The following PNKD variants were observed in gnomAD, a reference collection of about 807,000 sequenced individuals.
PNKD encodes the protein PNKD metallo-beta-lactamase domain containing.
Under a neutral mutation model 45.3 loss-of-function variants are expected in PNKD, and 36 were observed. That is an observed-to-expected ratio of 0.80 (90% CI 0.61 to 1.05). PNKD has a LOEUF of 1.05. PNKD is among the 50% of genes least tolerant of loss of function. PNKD has a pLI of 0.00. For missense variants in PNKD, 511 were observed against 506.6 expected (o/e 1.01, Z -0.08); for synonymous variants, 197 against 210.1 (o/e 0.94, Z 0.54).
intron 2 of PNKD, chr2:218,277,722 G>C: frequency 1.2e-6 from 2 of 1,610,992 alleles, no homozygotes; most frequent in Non-Finnish European, 1.7e-6. Flanking sequence ...AAGGAAGGCA[G>C]GGTGCTGGGG....
intron 2 of PNKD, among the ~76,000 whole-genome samples, chr2:218,305,714 C>T (rs57757056): frequency 2.0e-5 from 3 of 152,134 alleles, no homozygotes; most frequent in South Asian, 2.1e-4. Context: ...TGCCCCCTTC[C>T]GCCCCCACCA....
At chr2:218,282,271 C>G in intron 2 of PNKD, 1 of 746,776 alleles carries the variant, frequency 1.3e-6, no homozygotes, top group Non-Finnish European at 2.0e-6. Flanking sequence ...TCCAGGCTGC[C>G]TCCGTGGAGA....
intron 2 of PNKD, among the ~76,000 whole-genome samples, chr2:218,328,145 T>C (rs1694210546): frequency 6.6e-6 from 1 of 152,156 alleles, no homozygotes; most frequent in Non-Finnish European, 1.5e-5. Context: ...CCTGTTCCTC[T>C]GTCTCAGCCA....
intron 2 of PNKD, chr2:218,272,531 G>A: frequency 6.2e-7 from 1 of 1,609,630 alleles, no homozygotes; most frequent in Non-Finnish European, 8.5e-7. Context: ...CTCAGGCTTG[G>A]CCCCTCCCCA....
At chr2:218,296,181 G>A (rs1221688016) in intron 2 of PNKD, among the ~76,000 whole-genome samples, 2 of 152,038 alleles carry the variant, frequency 1.3e-5, no homozygotes, top group African/African-American at 4.8e-5. Flanking sequence ...ATATCCCACT[G>A]CCCCATATAA....
intron 2 of PNKD, among the ~76,000 whole-genome samples, chr2:218,338,555 C>T (rs1694568225): frequency 6.6e-6 from 1 of 151,610 alleles, no homozygotes; most frequent in Admixed American, 6.6e-5. Context: ...TTTGTTGAGC[C>T]CAGGAGTTCG....
At chr2:218,317,833 T>C (rs1027071871) in intron 2 of PNKD, 1 of 152,234 alleles carries the variant, frequency 6.6e-6, no homozygotes, top group African/African-American at 2.4e-5. Context: ...GGGGATGGAC[T>C]GGGCTAAGCA....
intron 2 of PNKD, chr2:218,277,815 G>T: frequency 6.5e-7 from 1 of 1,540,862 alleles, no homozygotes; most frequent in Non-Finnish European, 8.9e-7. Flanking sequence ...CAGAACAGGC[G>T]GCCCAGATAA....
At chr2:218,309,977 A>G (rs1405232156) in intron 2 of PNKD, among the ~76,000 whole-genome samples, 5 of 151,790 alleles carry the variant, frequency 3.3e-5, no homozygotes, top group African/African-American at 9.7e-5. Flanking sequence ...AGTGGCTTAC[A>G]TTATAAGCAA....
intron 2 of PNKD, among the ~76,000 whole-genome samples, chr2:218,315,116 C>CTTTCTTTCTTTCTTT (rs1559521433): frequency 7.7e-6 from 1 of 130,430 alleles, no homozygotes; most frequent in African/African-American, 3.0e-5. Flanking sequence ...TTCCTTCCTT[C>CTTTCTTTCTTTCTTT]CTTCCTTTCT....
intron 2 of PNKD, among the ~76,000 whole-genome samples, chr2:218,333,329 G>T (rs181590113): frequency 6.6e-6 from 1 of 152,216 alleles, no homozygotes; most frequent in East Asian, 1.9e-4. Flanking sequence ...GTCCCTGCCC[G>T]CACAGATCTG....
At chr2:218,332,918 A>C (rs1694372022) in intron 2 of PNKD, among the ~76,000 whole-genome samples, 1 of 151,594 alleles carries the variant, frequency 6.6e-6, no homozygotes, top group Non-Finnish European at 1.5e-5. Context: ...CTGCCCAAAG[A>C]CTCCGAGGCC....
chr2:218,291,170 C>T (rs1246011336), intron 2 of PNKD, among the ~76,000 whole-genome samples: 1 of 152,184 alleles, frequency 6.6e-6, no homozygotes, highest in Non-Finnish European at 1.5e-5. Flanking sequence ...GATAACCCAT[C>T]ATTACCTCTC....
chr2:218,332,408 T>C (rs992576401), intron 2 of PNKD, among the ~76,000 whole-genome samples: 1 of 152,144 alleles, frequency 6.6e-6, no homozygotes, highest in Non-Finnish European at 1.5e-5. Flanking sequence ...ATGGGGACTG[T>C]CACTCACCAA....
chr2:218,306,576 G>A (rs1441592376), intron 2 of PNKD, among the ~76,000 whole-genome samples: 1 of 152,170 alleles, frequency 6.6e-6, no homozygotes, highest in Non-Finnish European at 1.5e-5. Flanking sequence ...AATGAGGTTT[G>A]AGTAGATTAA....
chr2:218,275,730 C>A (rs1382708408), intron 2 of PNKD: 2 of 1,339,660 alleles, frequency 1.5e-6, no homozygotes, highest in Non-Finnish European at 2.0e-6. Flanking sequence ...GTGCTTAGGG[C>A]CACATTAACG....
intron 2 of PNKD, among the ~76,000 whole-genome samples, chr2:218,334,375 T>C (rs1195521970): frequency 6.6e-6 from 1 of 152,172 alleles, no homozygotes; most frequent in Non-Finnish European, 1.5e-5. Context: ...ATTTATCTCC[T>C]GGTCTCCTCC....
At chr2:218,279,360 A>G (rs1256102654) in intron 2 of PNKD, 7 of 1,562,716 alleles carry the variant, frequency 4.5e-6, no homozygotes, top group Non-Finnish European at 6.1e-6. Flanking sequence ...AAACCTGGAC[A>G]CAGACGGCCG....
Position 218,282,151 on chromosome 2 carries a change from C to T in PNKD, c.236+10602C>T, listed in dbSNP as rs113419042. Reference sequence around the variant, plus strand: ...CGCTGGGGTTGGACATGGCTGCTCACGGGCTGAGGGGGAACCCCAGCTGCT... The same window carrying T: ...CGCTGGGGTTGGACATGGCTGCTCATGGGCTGAGGGGGAACCCCAGCTGCT... On this transcript the variant is annotated intron_variant, in intron 2 of 9. Coordinates refer to ENST00000273077, the MANE Select transcript of PNKD (RefSeq NM_015488.5). 1.1e-3 allele frequency: 1,616 copies of T among 1,474,372 alleles called. 16 individuals carry two copies. In the African/African-American group the frequency reaches 0.018, roughly 17 times the overall value. The allele number at this position is 1,474,372 out of a possible 1,614,324, so 91.3% of individuals were successfully genotyped here.
Sources: gnomAD v4.1 joint callset for allele counts (sites outside exome capture counted in the v4.1 genomes callset) on GRCh38, gnomAD v4.1.1 for gene constraint, MANE v1.5 for transcripts, NCBI Gene and HGNC (gene_info 2026-07-23, HGNC 2026-07-21) for gene names.